The following TAF12 variants were observed in gnomAD, a reference collection of about 807,000 sequenced individuals.
TAF12 encodes TATA-box binding protein associated factor 12.
In TAF12, 3 loss-of-function variants were observed where a neutral mutation model predicts 20.8. The observed-to-expected ratio is 0.14, with a 90% CI of 0.07 to 0.37. TAF12 has a LOEUF of 0.37. Among genes scored for constraint, TAF12 ranks in the 10% least tolerant of loss-of-function variants. TAF12 has a pLI of 1.00. For missense variants in TAF12, 131 were observed against 197.9 expected (o/e 0.66, Z 2.03); for synonymous variants, 69 against 70.2 (o/e 0.98, Z 0.09).
chr1:28,643,587 C>T (rs1470034636), upstream of TAF12: 1 of 152,198 alleles, frequency 6.6e-6, no homozygotes, highest in Admixed American at 6.6e-5. Context: ...GGGAATTGTG[C>T]TAATCCGCTT....
upstream of TAF12, chr1:28,643,088 T>C (rs1668094619): frequency 2.0e-6 from 2 of 985,778 alleles, no homozygotes; most frequent in South Asian, 4.7e-5. Flanking sequence ...CCCCGACTAC[T>C]TCCGGCACCG....
intron 2 of TAF12, among the ~76,000 whole-genome samples, 189 bp from the exon 3 acceptor site, chr1:28,618,219 G>A (rs1297835213): frequency 6.6e-6 from 1 of 152,164 alleles, no homozygotes; most frequent in Non-Finnish European, 1.5e-5. Context: ...TTAGGGAAAG[G>A]TGGAAAGAGC....
intron 1 of TAF12, among the ~76,000 whole-genome samples, chr1:28,624,560 G>A (rs1245561205): frequency 1.3e-5 from 2 of 151,872 alleles, no homozygotes; most frequent in African/African-American, 2.4e-5. Flanking sequence ...CAGCATGGCC[G>A]ACATAATGAA....
chr1:28,605,610 T>A (rs1666641268), intron 4 of TAF12, 150 bp from the exon 5 acceptor site: 3 of 727,238 alleles, frequency 4.1e-6, no homozygotes, highest in Non-Finnish European at 6.7e-6. Context: ...AAAATGGACA[T>A]GGCTTCTCCA....
intron 5 of TAF12, 164 bp downstream of exon 5, chr1:28,605,208 G>T: frequency 1.6e-6 from 1 of 642,372 alleles, no homozygotes; most frequent in South Asian, 1.9e-5. Flanking sequence ...TTGATCTCCC[G>T]GAGACCGCTG....
intron 1 of TAF12, among the ~76,000 whole-genome samples, chr1:28,624,451 A>G (rs1667316214): frequency 6.6e-6 from 1 of 152,188 alleles, no homozygotes; most frequent in African/African-American, 2.4e-5. Flanking sequence ...CTGACTTTCT[A>G]ATATGAGAAA....
At chr1:28,638,767 T>C (rs1166784223) in intron 1 of TAF12, among the ~76,000 whole-genome samples, 1 of 150,368 alleles carries the variant, frequency 6.7e-6, no homozygotes, top group Non-Finnish European at 1.5e-5. Context: ...ATTACAGGCA[T>C]GAGCCACCTC....
intron 1 of TAF12, among the ~76,000 whole-genome samples, chr1:28,642,420 G>C (rs1668067059): frequency 6.6e-6 from 1 of 152,090 alleles, no homozygotes; most frequent in South Asian, 2.1e-4. Flanking sequence ...GGTACTCACA[G>C]CCCTGTTCCG....
intron 5 of TAF12, among the ~76,000 whole-genome samples, chr1:28,604,194 T>C (rs1029629601): frequency 6.6e-6 from 1 of 152,160 alleles, no homozygotes; most frequent in Admixed American, 6.6e-5. Flanking sequence ...CATGAGCCAC[T>C]GCGCCTGGCC....
intron 3 of TAF12, among the ~76,000 whole-genome samples, chr1:28,616,118 C>T (rs755833492): frequency 4.6e-5 from 7 of 152,084 alleles, no homozygotes; most frequent in Admixed American, 1.3e-4. Flanking sequence ...TAGCCAGGGT[C>T]GGGCATAGTG....
chr1:28,636,974 C>T (rs1173972234), intron 1 of TAF12, among the ~76,000 whole-genome samples: 1 of 150,102 alleles, frequency 6.7e-6, no homozygotes, highest in African/African-American at 2.5e-5. Flanking sequence ...TAAAGCAAGA[C>T]CCCATCTCTC....
intron 2 of TAF12, among the ~76,000 whole-genome samples, chr1:28,618,610 A>G (rs1207317529): frequency 2.0e-5 from 3 of 147,142 alleles, no homozygotes; most frequent in African/African-American, 7.6e-5. Flanking sequence ...TCCTGGCCTC[A>G]AGTGATTCTT....
At chr1:28,647,188 G>A (rs1189011774), upstream of TAF12, among the ~76,000 whole-genome samples, 3 of 152,036 alleles carry the variant, frequency 2.0e-5, no homozygotes. Flanking sequence ...AAAGCAGTCT[G>A]GCAAGATAAA....
At chr1:28,630,830 G>A (rs1667592305) in intron 1 of TAF12, among the ~76,000 whole-genome samples, 2 of 152,028 alleles carry the variant, frequency 1.3e-5, no homozygotes, top group Admixed American at 1.3e-4. Flanking sequence ...CAGATCACAA[G>A]GTCAGGAGTT....
At chr1:28,619,828 TA>T (rs1375661303) in intron 2 of TAF12, among the ~76,000 whole-genome samples, 2 of 151,400 alleles carry the variant, frequency 1.3e-5, no homozygotes, top group Non-Finnish European at 2.9e-5. Context: ...TGGGTGCCTA[TA>T]ATTCCAACTA....
chr1:28,637,262 C>T (rs528444896), intron 1 of TAF12, among the ~76,000 whole-genome samples: 3 of 152,084 alleles, frequency 2.0e-5, no homozygotes, highest in African/African-American at 4.8e-5. Context: ...TTTTTTGAGA[C>T]AGAGTTTTGC....
chr1:28,624,421 G>T (rs1046881143), intron 1 of TAF12, among the ~76,000 whole-genome samples: 1 of 152,150 alleles, frequency 6.6e-6, no homozygotes, highest in African/African-American at 2.4e-5. Flanking sequence ...CTAGTCCTGA[G>T]TTCCTCCTCA....
chr1:28,610,517 G>A lies in TAF12; in HGVS notation c.361+2730C>T, dbSNP rs552180580. 2.6e-5 allele frequency among the ~76,000 whole-genome samples: 4 copies of A among 152,030 alleles called. No homozygotes were observed. In the East Asian group the frequency reaches 7.8e-4, roughly 30 times the overall value. On this transcript the variant is annotated intron_variant, in intron 4 of 5. Coordinates refer to ENST00000373824, the MANE Select transcript of TAF12 (RefSeq NM_005644.4). ...TTGTAACACAGTGAGGTCTCACTGT[G>A]TTAACCAGGCTAGTCTTGAACTCCT...
At position 28,623,915 on chromosome 1, in the gene TAF12, T is replaced by C. The variant is rs921794031; in HGVS notation, c.-84-1750A>G. Reference sequence around the variant, plus strand: ...CACGATCAGAAGCACATTCACCAAGTTCTGCTCACAGTAGCCTCAAACTTA... The same window carrying C: ...CACGATCAGAAGCACATTCACCAAGCTCTGCTCACAGTAGCCTCAAACTTA... On this transcript the variant is annotated intron_variant, in intron 1 of 5. Coordinates refer to ENST00000373824, the MANE Select transcript of TAF12 (RefSeq NM_005644.4). The C allele has an allele frequency of 7.2e-6, 7 of 973,670 alleles. No individual in the cohort carries two copies. The African/African-American group carries it at 1.2e-4, about 17-fold the overall frequency. The allele number at this position is 973,670 out of a possible 1,614,324, so 60.3% of individuals were successfully genotyped here.
Sources: gnomAD v4.1 joint callset for allele counts (sites outside exome capture counted in the v4.1 genomes callset) on GRCh38, gnomAD v4.1.1 for gene constraint, MANE v1.5 for transcripts, NCBI Gene and HGNC (gene_info 2026-07-23, HGNC 2026-07-21) for gene names.